DNTT: variants seen among roughly 807,000 people sequenced by gnomAD.
DNTT encodes DNA nucleotidylexotransferase.
Under a neutral mutation model 60.9 loss-of-function variants are expected in DNTT, and 47 were observed. The observed-to-expected ratio is 0.77, with a 90% confidence interval of 0.61 to 0.98. The LOEUF (loss-of-function observed/expected upper bound fraction) is 0.98, where lower values mean the gene tolerates loss of function less well. Among genes scored for constraint, DNTT ranks in the 50% least tolerant of loss-of-function variants. The probability of loss-of-function intolerance (pLI) is 0.00; values close to 1 mark genes in which losing one functional copy is unlikely to be tolerated. For missense variants in DNTT, 665 were observed against 627.5 expected, an observed-to-expected ratio of 1.06 and a Z score of -0.64; for synonymous variants, 224 against 221.2, an observed-to-expected ratio of 1.01 and a Z score of -0.11.
intron 8 of DNTT, among the ~76,000 whole-genome samples, chr10:96,329,869 T>A (rs1844985807): frequency 6.6e-6 from 1 of 151,714 alleles, no homozygotes; most frequent in African/African-American, 2.4e-5. Flanking sequence ...CTGTGGGAGG[T>A]CAAGCTGAGT....
In DNTT at chr10:96,304,472, G is replaced by A. The variant is rs1391917197; in HGVS notation, c.-26G>A. Reference sequence around the variant, plus strand: ...TCTGGAGACACCACCAGATGGGCCAGCCAGAGGCAGCAGCAGCCTCTTCCC... The same window carrying A: ...TCTGGAGACACCACCAGATGGGCCAACCAGAGGCAGCAGCAGCCTCTTCCC... On this transcript the variant is annotated 5_prime_UTR_variant, in exon 1 of 11. Transcript: ENST00000371174. 1 of 1,612,468 alleles carries A rather than the reference G, an allele frequency of 6.2e-7. No homozygotes were observed. Among genetic ancestry groups the A allele is most frequent in the Non-Finnish European group, 8.5e-7 (1 of 1,179,922 alleles).
At chr10:96,330,536 C>T (rs1844995075) in intron 8 of DNTT, among the ~76,000 whole-genome samples, 3 of 152,190 alleles carry the variant, frequency 2.0e-5, no homozygotes, top group Admixed American at 2.0e-4. Context: ...CTACCACCTC[C>T]TCCAGAGGTT....
chr10:96,309,837 C>A (rs1399274162), intron 1 of DNTT, among the ~76,000 whole-genome samples: 1 of 152,186 alleles, frequency 6.6e-6, no homozygotes, highest in African/African-American at 2.4e-5. Context: ...CAAAGGCAGG[C>A]AACAGGGAGC....
Position 96,318,375 on chromosome 10 carries a change from C to T in DNTT, c.227C>T (p.Ala76Val). The change falls in exon 2 of 11, where the codon GCA (alanine) becomes GTA (valine). Residue 76 changes from alanine (A) to valine (V), a missense_variant. By Grantham distance (64) the Ala-to-Val change is moderately conservative. Transcript: ENST00000371174. The part of the protein sequence containing the change: ...ELSDSVTHIV[A>V]ENNSGSDVLE... ...AGTGATTCTGTCACCCACATCGTAG[C>T]AGAGAACAACTCGGGTTCGGATGTT... The T allele has an allele frequency of 6.2e-7, 1 of 1,613,250 alleles. No individual in the cohort carries two copies.
At chr10:96,310,478 T>C (rs962327019) in intron 1 of DNTT, among the ~76,000 whole-genome samples, 4 of 152,184 alleles carry the variant, frequency 2.6e-5, no homozygotes, top group Admixed American at 6.5e-5. Context: ...TCCCTGGTTT[T>C]CTTTACAGTT....
Position 96,328,838 on chromosome 10 carries a change from G to T in DNTT, c.1113+8G>T. 1 of 1,609,858 alleles carries T rather than the reference G, an allele frequency of 6.2e-7. No individual in the cohort carries two copies. ...AACTTATGGGAAAAGAAGGTGAGAA[G>T]AAAGATGAAAAATACATGCACACGC... On this transcript the variant is annotated splice_region_variant and intron_variant, in intron 8 of 10. Coordinates refer to ENST00000371174, the MANE Select transcript of DNTT (RefSeq NM_004088.4).
At chr10:96,317,515 G>A (rs1022963553) in intron 1 of DNTT, among the ~76,000 whole-genome samples, 1 of 152,078 alleles carries the variant, frequency 6.6e-6, no homozygotes, top group Non-Finnish European at 1.5e-5. Context: ...GTGTTTCTAT[G>A]GTCTGAATAT....
intron 1 of DNTT, among the ~76,000 whole-genome samples, chr10:96,311,635 T>A (rs1844714957): frequency 6.6e-6 from 1 of 152,204 alleles, no homozygotes; most frequent in African/African-American, 2.4e-5. Flanking sequence ...GTAATCTGTT[T>A]ATTTTGTTTG....
chr10:96,318,582 G>C (rs1844821407), intron 2 of DNTT, 56 bp downstream of exon 2: 2 of 1,572,946 alleles, frequency 1.3e-6, no homozygotes, highest in Admixed American at 1.8e-5. Context: ...AAGAACATAG[G>C]CTTAGGATCA....
At position 96,335,885 on chromosome 10, in the gene DNTT, A is replaced by G. The variant is rs1564876051; in HGVS notation, c.1360-6A>G. 2 of 1,614,158 alleles carry G rather than the reference A, an allele frequency of 1.2e-6. No individual in the cohort carries two copies. The highest frequency in any genetic ancestry group is 2.2e-5 in the East Asian group (1 of 44,888). Reference sequence around the variant, plus strand: ...TAATAATTTATTTTAACTATCTCCTATCCAGCAGTTTGAGAGAGACCTCCG... The same window carrying G: ...TAATAATTTATTTTAACTATCTCCTGTCCAGCAGTTTGAGAGAGACCTCCG... On this transcript the variant is annotated splice_region_variant and splice_polypyrimidine_tract_variant and intron_variant, in intron 9 of 10. Coordinates refer to ENST00000371174, the MANE Select transcript of DNTT (RefSeq NM_004088.4).
intron 1 of DNTT, among the ~76,000 whole-genome samples, chr10:96,305,584 C>T (rs528577302): frequency 3.2e-4 from 48 of 152,230 alleles, no homozygotes; most frequent in Non-Finnish European, 6.9e-4. Flanking sequence ...TGCAGTTGAC[C>T]GCTTTGACTG....
chr10:96,324,381 A>G lies in DNTT; in HGVS notation c.866A>G (p.Gln289Arg). 1 of 1,613,798 alleles carries G rather than the reference A, an allele frequency of 6.2e-7. No homozygotes were observed. ...AAAAGCCTGAAATTTACACGAATGC[A>G]GAAAGCAGGTAAATTGTCTCTCCTA... ...SDKSLKFTRM[Q>R]KAGFLYYEDL... The change falls in exon 6 of 11, where the codon CAG becomes CGG. Residue 289 changes from glutamine to arginine, a missense_variant. Coordinates refer to ENST00000371174, the MANE Select transcript of DNTT (RefSeq NM_004088.4).
At position 96,336,068 on chromosome 10, in the gene DNTT, T is replaced by C. The variant is rs1845065668; in HGVS notation, c.1443+94T>C. On this transcript the variant is annotated intron_variant, in intron 10 of 10. Coordinates refer to ENST00000371174, the MANE Select transcript of DNTT (RefSeq NM_004088.4). ...ATGGACTGATTTTAGTATCCAGGTATGGTTTCCTTTGTCATGCGTGTTCTA... is the reference window on the plus strand; with the variant it reads ...ATGGACTGATTTTAGTATCCAGGTACGGTTTCCTTTGTCATGCGTGTTCTA... The C allele has an allele frequency of 1.3e-5, 16 of 1,219,890 alleles. 2 individuals carry two copies. In the South Asian group the frequency reaches 1.8e-4, roughly 14 times the overall value. 75.6% of individuals were successfully genotyped at this position (1,219,890 alleles called of 1,614,324 possible). A position where few individuals can be genotyped will look rare whatever the true frequency, so the allele number is the denominator to read the frequency against.
intron 1 of DNTT, among the ~76,000 whole-genome samples, chr10:96,316,142 T>G (rs757623644): frequency 5.9e-5 from 9 of 152,126 alleles, no homozygotes; most frequent in Non-Finnish European, 1.0e-4. Flanking sequence ...GCTCCACCCC[T>G]TCCCCCAAAG....
chr10:96,310,070 C>T (rs1020225943), intron 1 of DNTT, among the ~76,000 whole-genome samples: 9 of 152,200 alleles, frequency 5.9e-5, no homozygotes, highest in African/African-American at 1.9e-4. Flanking sequence ...AAGTTTGCTT[C>T]TCCTCCAGGA....
chr10:96,307,343 G>GTTGTTTTTTTTT (rs1844650391), intron 1 of DNTT, among the ~76,000 whole-genome samples: 4 of 67,606 alleles, frequency 5.9e-5, no homozygotes, highest in Admixed American at 2.1e-4. Context: ...GGGTTTTCCA[G>GTTGTTTTTTTTT]TTTTTTTTTT....
chr10:96,324,433 G>A lies in DNTT; in HGVS notation c.874+44G>A, dbSNP rs752573799. Reference sequence around the variant, plus strand: ...AAGTCATTGTTGCTATGGGCTGGTCGGGTCGTGGTGGAGCTCTAAGTCAGT... The same window carrying A: ...AAGTCATTGTTGCTATGGGCTGGTCAGGTCGTGGTGGAGCTCTAAGTCAGT... On this transcript the variant is annotated intron_variant, in intron 6 of 10. Transcript: ENST00000371174. 4.4e-6 allele frequency: 7 copies of A among 1,607,440 alleles called. No homozygotes were observed. The African/African-American group carries it at 5.3e-5, about 12-fold the overall frequency.
chr10:96,309,605 C>CAATTA (rs1844685238), intron 1 of DNTT, among the ~76,000 whole-genome samples: 1 of 152,102 alleles, frequency 6.6e-6, no homozygotes, highest in Non-Finnish European at 1.5e-5. Flanking sequence ...TGGATTCTGT[C>CAATTA]TCACTCATTA....
intron 1 of DNTT, among the ~76,000 whole-genome samples, chr10:96,314,557 C>T (rs1275615500): frequency 2.0e-5 from 3 of 150,584 alleles, no homozygotes; most frequent in Admixed American, 6.6e-5. Context: ...GGACTACAGG[C>T]GCGTTCCACC....
Sources: gnomAD v4.1 joint callset for allele counts (sites outside exome capture counted in the v4.1 genomes callset) on GRCh38, gnomAD v4.1.1 for gene constraint, MANE v1.5 for transcripts, NCBI Gene and HGNC (gene_info 2026-07-23, HGNC 2026-07-21) for gene names.